RAPGEF2: variants seen among roughly 807,000 people sequenced by gnomAD.
RAPGEF2 encodes PDZ domain containing guanine nucleotide exchange factor (GEF) 1.
A neutral mutation model predicts 186.7 loss-of-function variants in RAPGEF2; 54 were observed. That is an observed-to-expected ratio of 0.29 (90% CI 0.23 to 0.36). The LOEUF (loss-of-function observed/expected upper bound fraction) is 0.36, where lower values mean the gene tolerates loss of function less well. Among genes scored for constraint, RAPGEF2 ranks in the 10% least tolerant of loss-of-function variants. The pLI is 1.00. For synonymous variants in RAPGEF2, 712 were observed against 705.9 expected (o/e 1.01, Z -0.14); for missense variants, 1,532 against 2,045.0 (o/e 0.75, Z 4.84).
chr4:159,121,874 CA>C (rs35034524), intron 1 of RAPGEF2, among the ~76,000 whole-genome samples: 196 of 133,646 alleles, frequency 1.5e-3, no homozygotes, highest in Admixed American at 1.4e-3. Flanking sequence ...ACTAAAAATA[CA>C]AAAAAAAAAA....
At chr4:159,344,493 T>G (rs1171329765) in intron 23 of RAPGEF2, among the ~76,000 whole-genome samples, 1 of 152,150 alleles carries the variant, frequency 6.6e-6, no homozygotes, top group Admixed American at 6.5e-5. Flanking sequence ...TAAACCCAAA[T>G]TTTTTACAGC....
At chr4:159,211,552 TAAG>T (rs1386114541) in intron 4 of RAPGEF2, among the ~76,000 whole-genome samples, 1 of 152,216 alleles carries the variant, frequency 6.6e-6, no homozygotes, top group African/African-American at 2.4e-5. Context: ...AGGGTCATAT[TAAG>T]AATCTATTTG....
rs760744622 is a variant in RAPGEF2, at chr4:159,338,368, G to A, written c.2193G>A (p.Lys731=). The change falls in exon 18 of 30, where the codon AAG becomes AAA. Residue 731 remains lysine, a synonymous_variant. Transcript: ENST00000691494. ...GCATAGTAGGATTAAGGCAGACAAA[G>A]CACATCCCAACTGCATTGCCTGTCA... ...DDSIVGLRQT[K]HIPTALPVSG... The A allele has an allele frequency of 2.5e-6, 4 of 1,614,136 alleles. No homozygotes were observed. In the East Asian group the frequency reaches 6.7e-5, roughly 27 times the overall value.
chr4:159,190,661 G>A (rs1382388773), intron 2 of RAPGEF2, among the ~76,000 whole-genome samples: 1 of 152,176 alleles, frequency 6.6e-6, no homozygotes, highest in African/African-American at 2.4e-5. Flanking sequence ...ATGGCAGAAG[G>A]GGAAGCAAAC....
chr4:159,202,171 T>G (rs1422480578), intron 3 of RAPGEF2, among the ~76,000 whole-genome samples: 1 of 152,186 alleles, frequency 6.6e-6, no homozygotes. Flanking sequence ...ATCTTTTTGC[T>G]TCTCTGTTTT....
chr4:159,314,869 C>T, intron 9 of RAPGEF2, 101 bp downstream of exon 9: 1 of 1,105,254 alleles, frequency 9.0e-7, no homozygotes, highest in Non-Finnish European at 1.3e-6. Context: ...TTTAAAAACT[C>T]ATTAATTTAT....
rs1759954974 is a variant in RAPGEF2 at position 159,283,115 on chromosome 4, C to G, written c.544-21227C>G. Among the ~76,000 whole-genome samples the G allele has an allele frequency of 3.3e-5, 5 of 152,210 alleles. No individual in the cohort carries two copies. The South Asian group carries it at 1.0e-3, about 32-fold the overall frequency. The stretch of plus-strand genomic sequence containing the variant: ...TTTCAAAATACTGGGAAAACAAGCT[C>G]TTAAGGCTTAAGCAAATTCATGTTA... On this transcript the variant is annotated intron_variant, in intron 7 of 29. Transcript: ENST00000691494.
chr4:159,279,423 A>T (rs1759385467), intron 7 of RAPGEF2, among the ~76,000 whole-genome samples: 2 of 152,322 alleles, frequency 1.3e-5, no homozygotes, highest in Admixed American at 6.5e-5. Context: ...CTAATCAGAA[A>T]GTCCTCGAAC....
chr4:159,266,797 T>G (rs970120260), intron 7 of RAPGEF2: 2 of 163,204 alleles, frequency 1.2e-5, no homozygotes, highest in African/African-American at 4.8e-5. Flanking sequence ...GATTCCTTTA[T>G]CTTCACCTTG....
At chr4:159,269,286 T>A (rs1213214206) in intron 7 of RAPGEF2, among the ~76,000 whole-genome samples, 1 of 152,292 alleles carries the variant, frequency 6.6e-6, no homozygotes, top group East Asian at 1.9e-4. Context: ...TTGCGCACTG[T>A]CTCACCTCAG....
At chr4:159,111,891 A>G (rs1738536515) in intron 1 of RAPGEF2, among the ~76,000 whole-genome samples, 1 of 152,194 alleles carries the variant, frequency 6.6e-6, no homozygotes, top group Non-Finnish European at 1.5e-5. Context: ...ACTGTAGTGT[A>G]ATATCACAAT....
At chr4:159,141,200 C>G (rs1404602334) in intron 1 of RAPGEF2, among the ~76,000 whole-genome samples, 1 of 152,160 alleles carries the variant, frequency 6.6e-6, no homozygotes, top group Non-Finnish European at 1.5e-5. Context: ...TCCAAATTTC[C>G]TAATTCCTTT....
At chr4:159,283,399 G>T (rs945469088) in intron 7 of RAPGEF2, among the ~76,000 whole-genome samples, 2 of 152,152 alleles carry the variant, frequency 1.3e-5, no homozygotes, top group African/African-American at 4.8e-5. Flanking sequence ...TATTGGTTCA[G>T]ATGTGTTATC....
chr4:159,339,288 T>C lies in RAPGEF2; in HGVS notation c.2468T>C (p.Val823Ala). ...GAGGTCTCTGTCACACCTGAGGGAG[T>C]AATCAAACAAAGAAGACTTCCAGAT... ...LCEVSVTPEG[V>A]IKQRRLPDQL... The change falls in exon 19 of 30, where the codon GTA becomes GCA. Residue 823 changes from valine (V) to alanine (A), a missense_variant. Coordinates refer to ENST00000691494, the MANE Select transcript of RAPGEF2 (RefSeq NM_001394067.2). 1 of 1,613,922 alleles carries C rather than the reference T, an allele frequency of 6.2e-7. No homozygotes were observed. The highest frequency in any genetic ancestry group is 8.5e-7 in the Non-Finnish European group (1 of 1,179,962).
intron 4 of RAPGEF2, among the ~76,000 whole-genome samples, chr4:159,219,441 C>T (rs535475314): frequency 3.9e-4 from 59 of 149,480 alleles, no homozygotes; most frequent in Non-Finnish European, 7.1e-4. Flanking sequence ...CTGCAAGCCC[C>T]GCCTCCCGGG....
At chr4:159,332,324 C>T in intron 16 of RAPGEF2, 127 bp from the exon 17 acceptor site, 1 of 974,490 alleles carries the variant, frequency 1.0e-6, no homozygotes, top group Non-Finnish European at 1.5e-6. Context: ...TGTTTTTCTG[C>T]AGGTTTGCAG....
intron 11 of RAPGEF2, chr4:159,327,524 G>C (rs569353184): frequency 7.9e-5 from 12 of 152,322 alleles, no homozygotes; most frequent in African/African-American, 2.6e-4. Flanking sequence ...GCATGGTGGT[G>C]CGCACCTGTA....
intron 7 of RAPGEF2, chr4:159,282,701 T>A: frequency 2.3e-6 from 1 of 438,852 alleles, no homozygotes; most frequent in South Asian, 1.7e-5. Context: ...TAAGAAATGA[T>A]CAAGGTAGAA....
At chr4:159,105,900 T>G (rs901288521) in intron 1 of RAPGEF2, among the ~76,000 whole-genome samples, 1 of 152,142 alleles carries the variant, frequency 6.6e-6, no homozygotes, top group Admixed American at 6.5e-5. Flanking sequence ...TGGTGGAAAT[T>G]AGAGAAGGGG....
Sources: allele counts gnomAD v4.1 joint callset (sites outside exome capture counted in the v4.1 genomes callset), GRCh38; gene constraint gnomAD v4.1.1; transcripts MANE v1.5; gene names NCBI Gene and HGNC (gene_info 2026-07-23, HGNC 2026-07-21).